RARA: variants seen among roughly 807,000 people sequenced by gnomAD.
RARA encodes the protein PML-DDX5-RARA fusion.
In RARA, 5 loss-of-function variants were observed where a neutral mutation model predicts 42.8. The observed-to-expected ratio is 0.12, with a 90% CI of 0.06 to 0.25. The LOEUF (loss-of-function observed/expected upper bound fraction) is 0.25, where lower values mean the gene tolerates loss of function less well. Ranked by LOEUF, RARA falls within the 10% of genes least tolerant of loss-of-function variation. The probability of loss-of-function intolerance (pLI) is 1.00; values close to 1 mark genes in which losing one functional copy is unlikely to be tolerated. For synonymous variants in RARA, 256 were observed against 259.5 expected (o/e 0.99, Z 0.13); for missense variants, 402 against 628.7 (o/e 0.64, Z 3.86).
At chr17:40,341,587 C>T in intron 2 of RARA, 1 of 1,365,346 alleles carries the variant, frequency 7.3e-7, no homozygotes, top group Non-Finnish European at 9.4e-7. Context: ...CGCGGGCGGG[C>T]TGGCGAGCGG....
Position 40,357,589 on chromosome 17 carries a change from T to TGTTG in RARA, c.*1365_*1368dup, listed in dbSNP as rs575638278. The stretch of plus-strand genomic sequence containing the variant: ...TGGAGCCCGTGGGTGCACCTGTTAC[T>TGTTG]GTTGGGCTTTCCACTGAGATCTACT... On this transcript the variant is annotated 3_prime_UTR_variant, in exon 9 of 9. Coordinates refer to ENST00000254066, the MANE Select transcript of RARA (RefSeq NM_000964.4). 31 of 231,176 alleles carry TGTTG rather than the reference T, an allele frequency of 1.3e-4. No homozygotes were observed. The highest frequency in any genetic ancestry group is 2.3e-4 in the Admixed American group (4 of 17,714). The allele number at this position is 231,176 out of a possible 1,614,324, so 14.3% of individuals were successfully genotyped here.
chr17:40,342,715 G>C (rs759666188), intron 2 of RARA: 3 of 1,612,260 alleles, frequency 1.9e-6, no homozygotes, highest in South Asian at 1.1e-5. Flanking sequence ...ATGTACGAGA[G>C]TGTAGAAGTG....
intron 2 of RARA, chr17:40,341,417 G>A (rs867198424): frequency 4.6e-6 from 7 of 1,520,052 alleles, no homozygotes; most frequent in Non-Finnish European, 6.2e-6. Context: ...GACACAAGCC[G>A]GTGTCTCATT....
rs945569487 is a variant in RARA, at chr17:40,349,853, A to G, written c.397A>G (p.Asn133Asp). ...TCACCGGGACAAGAACTGCATCATCAACAAGGTGACCCGGAACCGCTGCCA... is the reference window on the plus strand; with the variant it reads ...TCACCGGGACAAGAACTGCATCATCGACAAGGTGACCCGGAACCGCTGCCA... ...TCHRDKNCII[N>D]KVTRNRCQYC... Residue 133 changes from asparagine (N) to aspartate (D), a missense_variant, in exon 4 of 9, where the codon AAC becomes GAC. Asn to Asp is a conservative substitution (Grantham distance 23). Transcript: ENST00000254066. The G allele has an allele frequency of 6.2e-7, 1 of 1,614,250 alleles. No homozygotes were observed. Among genetic ancestry groups the G allele is most frequent in the African/African-American group, 1.3e-5 (1 of 75,062 alleles).
intron 2 of RARA, chr17:40,341,558 GGGGCTGGCGGGCGAGCCCCGC>G: frequency 7.2e-7 from 1 of 1,381,428 alleles, no homozygotes; most frequent in Non-Finnish European, 9.4e-7. Flanking sequence ...GGCCGGGCAG[GGGGCTGGCGGGCGAGCCCCGC>G]GGGCGGGCTG....
chr17:40,313,279 A>G (rs906560167), intron 1 of RARA, among the ~76,000 whole-genome samples: 6 of 152,144 alleles, frequency 3.9e-5, no homozygotes, highest in African/African-American at 7.2e-5. Context: ...CATCTCCCCA[A>G]CAAAAGAAGG....
chr17:40,345,974 G>A lies in RARA; in HGVS notation c.179-2342G>A, dbSNP rs2034254221. On this transcript the variant is annotated intron_variant, in intron 2 of 8. Transcript: ENST00000254066. This position sits in a 1 kb window ranked among gnomAD's most constrained non-coding sequence, Gnocchi z 4.8. ...GGGAAACCTCAGAGCTGGGTTACCT[G>A]GGTGACAGGTGGGGATGTGCTGGAG... Among the ~76,000 whole-genome samples the A allele has an allele frequency of 2.6e-5, 4 of 152,182 alleles. No homozygotes were observed. The highest frequency in any genetic ancestry group is 2.6e-4 in the Admixed American group (4 of 15,278).
intron 1 of RARA, among the ~76,000 whole-genome samples, chr17:40,323,966 T>C (rs977213861): frequency 1.3e-5 from 2 of 152,004 alleles, no homozygotes; most frequent in African/African-American, 2.4e-5. Context: ...AGGGTTGGGC[T>C]GAGCTGAGGG....
chr17:40,331,039 G>A lies in RARA; in HGVS notation c.-180G>A. On this transcript the variant is annotated 5_prime_UTR_variant, in exon 2 of 9. Coordinates refer to ENST00000254066, the MANE Select transcript of RARA (RefSeq NM_000964.4). ...CCACCTGGCCCCCAGCTAGGGTGGG[G>A]GCTCCAGGAGACTGAGATTAGCCTG... is the stretch of plus-strand genomic sequence containing the variant. 1 of 648,022 alleles carries A rather than the reference G, an allele frequency of 1.5e-6. No individual in the cohort carries two copies. The highest frequency in any genetic ancestry group is 2.5e-6 in the Non-Finnish European group (1 of 402,526). The allele number at this position is 648,022 out of a possible 1,614,324, so 40.1% of individuals were successfully genotyped here. A position where few individuals can be genotyped will look rare whatever the true frequency, so the allele number is the denominator to read the frequency against.
At position 40,356,293 on chromosome 17, in the gene RARA, A is replaced by G; in HGVS notation, c.*67A>G. The G allele has an allele frequency of 2.0e-6, 3 of 1,467,500 alleles. No individual in the cohort carries two copies. In the East Asian group the frequency reaches 7.4e-5, roughly 36 times the overall value. 90.9% of individuals were successfully genotyped at this position (1,467,500 alleles called of 1,614,324 possible). A position where few individuals can be genotyped will look rare whatever the true frequency, so the allele number is the denominator to read the frequency against. On this transcript the variant is annotated 3_prime_UTR_variant, in exon 9 of 9. Transcript: ENST00000254066. ...GCTTTTCTCTGCCTTTCTACCGACC[A>G]TGTGACCCCGCACCAGCCCTGCCCC... is the stretch of plus-strand genomic sequence containing the variant.
chr17:40,353,257 A>G (rs2034510975), intron 6 of RARA, among the ~76,000 whole-genome samples: 2 of 150,442 alleles, frequency 1.3e-5, no homozygotes, highest in African/African-American at 4.9e-5. Flanking sequence ...CGGTGAGGTG[A>G]GCCCGAGGGT....
At chr17:40,324,194 T>G (rs1030932332) in intron 1 of RARA, among the ~76,000 whole-genome samples, 1 of 152,152 alleles carries the variant, frequency 6.6e-6, no homozygotes, top group African/African-American at 2.4e-5. Flanking sequence ...CCCTTTTGTC[T>G]GTGCCCCTTT....
chr17:40,347,353 G>T lies in RARA; in HGVS notation c.179-963G>T, dbSNP rs115839546. On this transcript the variant is annotated intron_variant, in intron 2 of 8. Transcript: ENST00000254066. The stretch of plus-strand genomic sequence containing the variant: ...TTGTCCTGGTCATAGTTCTTATCTT[G>T]CACCCAACACCCTTAGCTGCCCAGG... 6.2e-3 allele frequency among the ~76,000 whole-genome samples: 940 copies of T among 152,250 alleles called. 12 individuals are homozygous for T. The highest frequency in any genetic ancestry group is 0.021 in the African/African-American group (887 of 41,524).
chr17:40,328,363 C>T (rs1406921261), intron 1 of RARA, among the ~76,000 whole-genome samples: 1 of 152,034 alleles, frequency 6.6e-6, no homozygotes, highest in Non-Finnish European at 1.5e-5. Flanking sequence ...ATGGACAGTC[C>T]TTATTTTGAG....
In RARA at chr17:40,355,415, G is replaced by A. The variant is rs773956341; in HGVS notation, c.1165G>A (p.Ala389Thr). 1.2e-5 allele frequency: 20 copies of A among 1,613,368 alleles called. No individual in the cohort carries two copies. The highest frequency in any genetic ancestry group is 5.0e-5 in the Admixed American group (3 of 59,948). ...GATTACTGACCTGCGAAGCATCAGCGCCAAGGGTGAGGCTCACAGACCTGG... is the reference window on the plus strand; with the variant it reads ...GATTACTGACCTGCGAAGCATCAGCACCAAGGGTGAGGCTCACAGACCTGG... ...MKITDLRSIS[A>T]KGAERVITLK... is the part of the protein sequence containing the mutation. Residue 389 changes from alanine to threonine, a missense_variant, in exon 8 of 9, where the codon GCC becomes ACC. Ala to Thr is a moderately conservative substitution (Grantham distance 58). Transcript: ENST00000254066. The surrounding 1 kb of genome is among the most constrained non-coding windows in gnomAD (Gnocchi z 4.1).
rs74349261 is a variant in RARA at position 40,355,285 on chromosome 17, G to C, written c.1035G>C (p.Pro345=). The C allele has an allele frequency of 1.1e-5, 17 of 1,589,066 alleles. No individual in the cohort carries two copies. In the East Asian group the frequency reaches 3.7e-4, roughly 34 times the overall value. The part of the protein sequence containing the change: ...ICGDRQDLEQ[P]DRVDMLQEPL... ...CAGACCGCCAGGACCTGGAGCAGCC[G>C]GACCGGGTGGACATGCTGCAGGAGC... The change falls in exon 8 of 9, where the codon CCG becomes CCC. Residue 345 remains proline (P), a synonymous_variant. Coordinates refer to ENST00000254066, the MANE Select transcript of RARA (RefSeq NM_000964.4). This position sits in a 1 kb window ranked among gnomAD's most constrained non-coding sequence, Gnocchi z 4.1.
chr17:40,333,858 A>G (rs932767576), intron 2 of RARA, among the ~76,000 whole-genome samples: 1 of 152,068 alleles, frequency 6.6e-6, no homozygotes, highest in Non-Finnish European at 1.5e-5. Flanking sequence ...GCTGGTCTCA[A>G]ACTCCTGAGC....
chr17:40,325,600 T>G (rs2033521528), intron 1 of RARA, among the ~76,000 whole-genome samples: 1 of 152,214 alleles, frequency 6.6e-6, no homozygotes, highest in Admixed American at 6.5e-5. Context: ...CTTGGCCAGC[T>G]CCTGGCGGGA....
intron 3 of RARA, 58 bp from the exon 4 acceptor site, chr17:40,349,725 GC>G: frequency 6.2e-7 from 1 of 1,601,518 alleles, no homozygotes; most frequent in Non-Finnish European, 8.5e-7. Flanking sequence ...TGAGACCGTA[GC>G]CAGGCACTGC....
Sources: allele counts gnomAD v4.1 joint callset (sites outside exome capture counted in the v4.1 genomes callset), GRCh38; gene constraint gnomAD v4.1.1; non-coding constraint Gnocchi (gnomAD v3.1); transcripts MANE v1.5; gene names NCBI Gene and HGNC (gene_info 2026-07-23, HGNC 2026-07-21).